The following PRPF6 variants were observed in gnomAD, a reference collection of about 807,000 sequenced individuals.
The protein encoded by PRPF6 is pre-mRNA processing factor 6, also known as pre-mRNA-processing factor 6.
In PRPF6, 42 loss-of-function variants were observed where a neutral mutation model predicts 118.3. The observed-to-expected ratio is 0.35, with a 90% CI of 0.28 to 0.46. The LOEUF is 0.46. PRPF6 is among the 20% of genes least tolerant of loss of function. The pLI, the probability that PRPF6 is intolerant of heterozygous loss-of-function variation, is 1.00. For missense variants in PRPF6, 662 were observed against 1,255.7 expected (o/e 0.53, Z 7.15); for synonymous variants, 481 against 485.1 (o/e 0.99, Z 0.11).
At chr20:64,016,982 G>A (rs551577157) in intron 12 of PRPF6, 137 bp downstream of exon 12, 49 of 1,259,776 alleles carry the variant, frequency 3.9e-5, no homozygotes, top group African/African-American at 2.3e-4. Context: ...TTGCTCTGTC[G>A]CCCAGGCTGG....
At chr20:64,032,104 C>T (rs919515119) in intron 20 of PRPF6, 60 bp downstream of exon 20, 233 of 1,610,754 alleles carry the variant, frequency 1.4e-4, no homozygotes, top group Non-Finnish European at 1.8e-4. Context: ...GGGAGTTCCG[C>T]CAGCCCTGGG....
rs573678990 is a variant in PRPF6, at chr20:64,016,955, A to T, written c.1647+110A>T. ...TTTAAAACTCTTTTTTTTTTTTTTT[A>T]AATCTGAGACGGGGTCTTGCTCTGT... On this transcript the variant is annotated intron_variant, in intron 12 of 20. Coordinates refer to ENST00000266079, the MANE Select transcript of PRPF6 (RefSeq NM_012469.4). 2.2e-3 allele frequency: 2,651 copies of T among 1,196,544 alleles called. 19 individuals are homozygous for T. In the African/African-American group the frequency reaches 0.03, roughly 13 times the overall value. The allele number at this position is 1,196,544 out of a possible 1,614,324, so 74.1% of individuals were successfully genotyped here.
chr20:63,988,839 G>A (rs1338494293), intron 3 of PRPF6, among the ~76,000 whole-genome samples: 8 of 151,222 alleles, frequency 5.3e-5, no homozygotes, highest in Non-Finnish European at 8.8e-5. Context: ...ATTGCACTCC[G>A]GCCTGGGCAA....
chr20:64,023,664 T>G (rs1187044789), intron 13 of PRPF6, among the ~76,000 whole-genome samples: 1 of 152,178 alleles, frequency 6.6e-6, no homozygotes, highest in Admixed American at 6.5e-5. Flanking sequence ...CACCAGCTGG[T>G]CTGTGTTTGG....
intron 3 of PRPF6, 36 bp from the exon 4 acceptor site, chr20:63,993,371 G>T: frequency 6.6e-7 from 1 of 1,508,026 alleles, no homozygotes; most frequent in African/African-American, 1.4e-5. Flanking sequence ...GAACAGACAT[G>T]CAGTGTTTCT....
chr20:63,996,576 A>G (rs1000004918), intron 6 of PRPF6, among the ~76,000 whole-genome samples: 1 of 152,270 alleles, frequency 6.6e-6, no homozygotes, highest in East Asian at 1.9e-4. Context: ...TGGCCTCACA[A>G]AGTGCTGGGA....
At chr20:63,999,920 G>A in intron 8 of PRPF6, among the ~76,000 whole-genome samples, 161 bp downstream of exon 8, 1 of 151,388 alleles carries the variant, frequency 6.6e-6, no homozygotes, top group Non-Finnish European at 1.5e-5. Flanking sequence ...GCTTTTTCCT[G>A]CTTGTTTTCA....
rs1478205907 is a variant in PRPF6 at position 64,031,797 on chromosome 20, T to C, written c.2547-121T>C. 2.9e-6 allele frequency: 4 copies of C among 1,387,520 alleles called. No homozygotes were observed. In the South Asian group the frequency reaches 4.6e-5, roughly 16 times the overall value. The allele number at this position is 1,387,520 out of a possible 1,614,324, so 86.0% of individuals were successfully genotyped here. On this transcript the variant is annotated intron_variant, in intron 19 of 20. Coordinates refer to ENST00000266079, the MANE Select transcript of PRPF6 (RefSeq NM_012469.4). Reference sequence around the variant, plus strand: ...CCGAGGCCCTGATCCTCAGGCCTTCTTGAGGGGAGCACCAGGGCTGCGGGT... The same window carrying C: ...CCGAGGCCCTGATCCTCAGGCCTTCCTGAGGGGAGCACCAGGGCTGCGGGT...
At chr20:63,993,811 G>A (rs779613414) in intron 4 of PRPF6, among the ~76,000 whole-genome samples, 8 of 151,196 alleles carry the variant, frequency 5.3e-5, no homozygotes, top group African/African-American at 1.2e-4. Context: ...GTGCAGTGGC[G>A]TGGTCTCAGC....
rs990337406 is a variant in PRPF6, at chr20:64,029,811, C to T, written c.2546+320C>T. Among the ~76,000 whole-genome samples, 14 of 145,682 alleles carry T rather than the reference C, an allele frequency of 9.6e-5. 2 individuals carry two copies. Among genetic ancestry groups the T allele is most frequent in the Admixed American group, 7.0e-5 (1 of 14,280 alleles). Reference sequence around the variant, plus strand: ...CGCCAGGTCAGAGACTCACCGGGGACGCATGTGATTCACACTGGTGCTCTG... The same window carrying T: ...CGCCAGGTCAGAGACTCACCGGGGATGCATGTGATTCACACTGGTGCTCTG... On this transcript the variant is annotated intron_variant, in intron 19 of 20. Coordinates refer to ENST00000266079, the MANE Select transcript of PRPF6 (RefSeq NM_012469.4). The surrounding 1 kb of genome is among the most constrained non-coding windows in gnomAD (Gnocchi z 4.8).
Position 64,010,207 on chromosome 20 carries a change from G to T in PRPF6, c.1194G>T (p.Glu398Asp), listed in dbSNP as rs779880816. 3 of 1,614,034 alleles carry T rather than the reference G, an allele frequency of 1.9e-6. No individual in the cohort carries two copies. The highest frequency in any genetic ancestry group is 4.5e-5 in the East Asian group (2 of 44,888). ...TCGTTTGACCTTTCCTAGCCCTCGAGCATGTTCCAAACTCGGTTCGCTTGT... is the reference window on the plus strand; with the variant it reads ...TCGTTTGACCTTTCCTAGCCCTCGATCATGTTCCAAACTCGGTTCGCTTGT... ...AKKRVLRKAL[E>D]HVPNSVRLWK... The change falls in exon 10 of 21, where the codon GAG (glutamate) becomes GAT (aspartate). Residue 398 changes from glutamate (E) to aspartate (D), a missense_variant. By Grantham distance (45) the Glu-to-Asp change is conservative. Around this residue, in one of 10 missense-constraint regions of PRPF6, gnomAD observed 189 missense variants for 323.5 expected, o/e 0.58. Coordinates refer to ENST00000266079, the MANE Select transcript of PRPF6 (RefSeq NM_012469.4).
chr20:64,022,376 C>T lies in PRPF6; in HGVS notation c.1648-381C>T, dbSNP rs6011257. 3.7e-3 allele frequency among the ~76,000 whole-genome samples: 566 copies of T among 152,212 alleles called. 7 individuals carry two copies. The highest frequency in any genetic ancestry group is 0.013 in the African/African-American group (542 of 41,538). ...AGGCTGGAGTGCAGTGGCGTGATCT[C>T]GGCTCACTGCAACCTTTGCCTTCTG... is the stretch of plus-strand genomic sequence containing the variant. On this transcript the variant is annotated intron_variant, in intron 12 of 20. Coordinates refer to ENST00000266079, the MANE Select transcript of PRPF6 (RefSeq NM_012469.4).
intron 12 of PRPF6, among the ~76,000 whole-genome samples, chr20:64,018,685 C>T (rs1298273512): frequency 2.4e-4 from 37 of 151,930 alleles, no homozygotes; most frequent in Admixed American, 2.3e-3. Flanking sequence ...AGGCTGGTTT[C>T]GAACTCCTGG....
intron 11 of PRPF6, among the ~76,000 whole-genome samples, chr20:64,014,838 G>A (rs192875196): frequency 2.0e-5 from 3 of 152,118 alleles, no homozygotes; most frequent in African/African-American, 7.2e-5. Flanking sequence ...TGAATGCTAC[G>A]ATGAAAGTGA....
intron 12 of PRPF6, among the ~76,000 whole-genome samples, chr20:64,022,330 C>T (rs2059270508): frequency 6.6e-6 from 1 of 151,958 alleles, no homozygotes; most frequent in South Asian, 2.1e-4. Context: ...AGGGGGAGGA[C>T]AGAGTGTGAC....
chr20:63,998,994 G>GT (rs1292146331), intron 6 of PRPF6, 51 bp from the exon 7 acceptor site: 1 of 1,441,192 alleles, frequency 6.9e-7, no homozygotes, highest in Non-Finnish European at 9.7e-7. Context: ...TGAGAACTTT[G>GT]TTTTGCACCT....
Position 64,032,831 on chromosome 20 carries a change from G to T in PRPF6, c.2674-10G>T, listed in dbSNP as rs114084904. 851 of 1,603,678 alleles carry T rather than the reference G, an allele frequency of 5.3e-4. 5 individuals are homozygous for T. The African/African-American group carries it at 0.01, about 19-fold the overall frequency. On this transcript the variant is annotated splice_polypyrimidine_tract_variant and intron_variant, in intron 20 of 20. Coordinates refer to ENST00000266079, the MANE Select transcript of PRPF6 (RefSeq NM_012469.4). Reference sequence around the variant, plus strand: ...GGACCCCTGCCTGACGTGCCCTGTGGTCCCCCCAGGAGCAGCAGGAGGAGG... The same window carrying T: ...GGACCCCTGCCTGACGTGCCCTGTGTTCCCCCCAGGAGCAGCAGGAGGAGG...
chr20:64,008,871 C>T (rs991215887), intron 9 of PRPF6, among the ~76,000 whole-genome samples: 11 of 152,146 alleles, frequency 7.2e-5, no homozygotes, highest in African/African-American at 2.7e-4. Flanking sequence ...AGGTAATATT[C>T]TTAATATGCT....
At chr20:63,990,942 C>A (rs1263040915) in intron 3 of PRPF6, among the ~76,000 whole-genome samples, 1 of 151,758 alleles carries the variant, frequency 6.6e-6, no homozygotes, top group East Asian at 2.0e-4. Context: ...GCTTGAGCCA[C>A]CACGCCAGGC....
Sources: allele counts gnomAD v4.1 joint callset (sites outside exome capture counted in the v4.1 genomes callset), GRCh38; gene constraint gnomAD v4.1.1; regional missense constraint gnomAD v4.1.1; non-coding constraint Gnocchi (gnomAD v3.1); transcripts MANE v1.5; gene names NCBI Gene and HGNC (gene_info 2026-07-23, HGNC 2026-07-21).